TSBP1: variants seen among roughly 807,000 people sequenced by gnomAD.
TSBP1 encodes the protein testis-expressed basic protein 1.
In TSBP1, 56 loss-of-function variants were observed where a neutral mutation model predicts 68.8. The ratio of observed to expected loss-of-function variants is 0.81; its 90% CI spans 0.66 to 1.02. The LOEUF (loss-of-function observed/expected upper bound fraction) is 1.02. Among genes scored for constraint, TSBP1 ranks in the 50% least tolerant of loss-of-function variants. The pLI is 0.00. For synonymous variants in TSBP1, 171 were observed against 208.7 expected (o/e 0.82, Z 1.56); for missense variants, 502 against 641.2 (o/e 0.78, Z 2.34).
intron 6 of TSBP1, 157 bp from the exon 7 acceptor site, chr6:32,355,826 A>T: frequency 1.1e-6 from 1 of 916,324 alleles, no homozygotes; most frequent in East Asian, 3.1e-5. Context: ...TATAAGTTTA[A>T]TGACATTAAA....
chr6:32,334,153 T>G (rs1466540694), intron 14 of TSBP1, among the ~76,000 whole-genome samples: 1 of 152,190 alleles, frequency 6.6e-6, no homozygotes, highest in Non-Finnish European at 1.5e-5. Flanking sequence ...TGTGACTTTT[T>G]GTACCTTTAT....
intron 1 of TSBP1, among the ~76,000 whole-genome samples, chr6:32,370,918 ACT>A (rs1202071617): frequency 1.3e-5 from 2 of 151,704 alleles, no homozygotes; most frequent in Admixed American, 6.6e-5. Context: ...GAAAGTAAAA[ACT>A]CTGAAGAATA....
At chr6:32,299,468 T>C (rs373048930) in intron 22 of TSBP1, among the ~76,000 whole-genome samples, 1 of 152,190 alleles carries the variant, frequency 6.6e-6, no homozygotes, top group African/African-American at 2.4e-5. Context: ...TCCCAGCAAA[T>C]AACTAATGGA....
intron 16 of TSBP1, among the ~76,000 whole-genome samples, chr6:32,326,792 G>T (rs1768271175): frequency 6.6e-6 from 1 of 152,248 alleles, no homozygotes; most frequent in African/African-American, 2.4e-5. Context: ...TAGGTCAGGG[G>T]CATAGAGCGC....
intron 9 of TSBP1, among the ~76,000 whole-genome samples, chr6:32,347,807 T>A (rs1038718865): frequency 6.6e-6 from 1 of 152,210 alleles, no homozygotes; most frequent in African/African-American, 2.4e-5. Flanking sequence ...GCTACTCTTC[T>A]TCCCCTCTCA....
In TSBP1 at chr6:32,327,860, C is replaced by A. The variant is rs548391918; in HGVS notation, c.514+2729G>T. Among the ~76,000 whole-genome samples the A allele has an allele frequency of 7.9e-5, 12 of 151,458 alleles. No individual in the cohort carries two copies. In the South Asian group the frequency reaches 2.1e-3, roughly 26 times the overall value. ...AGGCTGGAGTGCGGTGGCGTGATCT[C>A]GGCTTACTGCAAGCTCTGGCTCCTG... On this transcript the variant is annotated intron_variant, in intron 16 of 22. Coordinates refer to ENST00000612031, the Ensembl canonical transcript of TSBP1.
Position 32,343,316 on chromosome 6 carries a change from C to T in TSBP1, c.350-3678G>A. ...TAAAGTTTCAATAATCCATCAATTT[C>T]CCAAAAGTCTTCCCAGAAATAGTGT... On this transcript the variant is annotated intron_variant, in intron 9 of 22. Coordinates refer to ENST00000612031, the Ensembl canonical transcript of TSBP1. This position sits in a 1 kb window ranked among gnomAD's most constrained non-coding sequence, Gnocchi z 4.3. 1.8e-6 allele frequency: 2 copies of T among 1,119,868 alleles called. No individual in the cohort carries two copies. The highest frequency in any genetic ancestry group is 2.4e-6 in the Non-Finnish European group (2 of 834,700). 69.4% of individuals were successfully genotyped at this position (1,119,868 alleles called of 1,614,324 possible).
Position 32,369,373 on chromosome 6 carries a change from A to ATTTTTTTTTTTTTTTTTTTTT in TSBP1, c.100+523_100+524insAAAAAAAAAAAAAAAAAAAAA, listed in dbSNP as rs9281761. Among the ~76,000 whole-genome samples the ATTTTTTTTTTTTTTTTTTTTT allele has an allele frequency of 3.9e-4, 50 of 127,002 alleles. 1 individual carries two copies. Among genetic ancestry groups the ATTTTTTTTTTTTTTTTTTTTT allele is most frequent in the East Asian group, 2.5e-3 (11 of 4,388 alleles). The allele number at this position is 127,002 out of a possible 152,430, so 83.3% of individuals were successfully genotyped here. A position where few individuals can be genotyped will look rare whatever the true frequency, so the allele number is the denominator to read the frequency against. On this transcript the variant is annotated intron_variant, in intron 2 of 22. Transcript: ENST00000612031. The stretch of plus-strand genomic sequence containing the variant: ...CTTATTACTTTTGCTAAACTCTGTG[A>ATTTTTTTTTTTTTTTTTTTTT]TTTTTTTTTTTTTTTGAGATGGAGT...
At position 32,346,281 on chromosome 6, in the gene TSBP1, C is replaced by CTCATCATCCTT. The variant is rs1770987217; in HGVS notation, c.349+3458_349+3459insAAGGATGATGA. On this transcript the variant is annotated intron_variant, in intron 9 of 22. Transcript: ENST00000612031. The stretch of plus-strand genomic sequence containing the variant: ...CCACCCGCCTCGGCCTCCCAAAGTG[C>CTCATCATCCTT]TGGGATTACAGGCGTGAGCCACCGC... Among the ~76,000 whole-genome samples the CTCATCATCCTT allele has an allele frequency of 2.1e-4, 2 of 9,526 alleles. 1 individual carries two copies. The allele number at this position is 9,526 out of a possible 152,430, so 6.2% of individuals were successfully genotyped here.
intron 16 of TSBP1, among the ~76,000 whole-genome samples, chr6:32,330,047 C>T (rs116839050): frequency 0.012 from 1,865 of 152,128 alleles, 26 homozygotes; most frequent in South Asian, 0.034. Context: ...TGTGTGCGCG[C>T]GCGCACGTGT....
At chr6:32,342,430 G>C (rs1364992344) in intron 9 of TSBP1, among the ~76,000 whole-genome samples, 1 of 152,034 alleles carries the variant, frequency 6.6e-6, no homozygotes, top group Non-Finnish European at 1.5e-5. Flanking sequence ...TCATGATTAC[G>C]GGCATGAGCC....
rs546964296 is a variant in TSBP1 at position 32,336,542 on chromosome 6, G to A, written c.430+73C>T. The A allele has an allele frequency of 2.5e-6, 3 of 1,215,272 alleles. No homozygotes were observed. The allele number at this position is 1,215,272 out of a possible 1,614,324, so 75.3% of individuals were successfully genotyped here. A position where few individuals can be genotyped will look rare whatever the true frequency, so the allele number is the denominator to read the frequency against. On this transcript the variant is annotated intron_variant, in intron 12 of 22. Transcript: ENST00000612031. The surrounding 1 kb of genome is among the most constrained non-coding windows in gnomAD (Gnocchi z 5.2). Reference sequence around the variant, plus strand: ...TTGAAATTATTTTTAAAAATGCAGGGCAGATCAGGCCCCAAGACCTTGTAG... The same window carrying A: ...TTGAAATTATTTTTAAAAATGCAGGACAGATCAGGCCCCAAGACCTTGTAG...
At chr6:32,331,055 ATT>A (rs2127598372) in intron 15 of TSBP1, among the ~76,000 whole-genome samples, 1 of 152,298 alleles carries the variant, frequency 6.6e-6, no homozygotes, top group Non-Finnish European at 1.5e-5. Flanking sequence ...AGGATTAAAT[ATT>A]TTTCACTGCA....
In TSBP1 at chr6:32,362,161, C is replaced by T. The variant is rs868573339; in HGVS notation, c.217+4006G>A. Among the ~76,000 whole-genome samples, 47 of 151,904 alleles carry T rather than the reference C, an allele frequency of 3.1e-4. 1 individual carries two copies. Among genetic ancestry groups the T allele is most frequent in the African/African-American group, 1.1e-3 (46 of 41,470 alleles). On this transcript the variant is annotated intron_variant, in intron 6 of 22. Coordinates refer to ENST00000612031, the Ensembl canonical transcript of TSBP1. ...AAAATTAGCCGGGCGTAGTGGCAGG[C>T]GCCTGTAGTCCCAGCAACTCGGGAG...
chr6:32,328,438 C>CA, intron 16 of TSBP1, among the ~76,000 whole-genome samples: 1 of 150,502 alleles, frequency 6.6e-6, no homozygotes, highest in East Asian at 2.0e-4. Flanking sequence ...TTTTTTTAGA[C>CA]AGAGTCTCAC....
intron 9 of TSBP1, among the ~76,000 whole-genome samples, chr6:32,341,821 A>G (rs866052908): frequency 2.6e-5 from 4 of 152,308 alleles, no homozygotes; most frequent in South Asian, 2.1e-4. Context: ...GAAATATGAT[A>G]TATTTAATTC....
chr6:32,370,100 T>C, intron 1 of TSBP1, 117 bp from the exon 2 acceptor site: 1 of 695,954 alleles, frequency 1.4e-6, no homozygotes, highest in Non-Finnish European at 2.6e-6. Flanking sequence ...CCCTTTCTGC[T>C]ACTTCAACTC....
chr6:32,330,994 A>G (rs1290758464), intron 15 of TSBP1, among the ~76,000 whole-genome samples: 2 of 151,992 alleles, frequency 1.3e-5, no homozygotes, highest in Non-Finnish European at 2.9e-5. Context: ...ATATTTTCCA[A>G]AGGCAAGCAG....
chr6:32,318,060 G>A (rs115253328), intron 18 of TSBP1, among the ~76,000 whole-genome samples: 5,963 of 152,166 alleles, frequency 0.039, 334 homozygotes, highest in African/African-American at 0.12. Flanking sequence ...CTAAATGCCC[G>A]TCAACGATAG....
Sources: gnomAD v4.1 joint callset for allele counts (sites outside exome capture counted in the v4.1 genomes callset) on GRCh38, gnomAD v4.1.1 for gene constraint, Gnocchi (gnomAD v3.1) non-coding constraint, MANE v1.5 for transcripts, NCBI Gene and HGNC (gene_info 2026-07-23, HGNC 2026-07-21) for gene names.